ABLIM1: variants seen among roughly 807,000 people sequenced by gnomAD.
ABLIM1 encodes actin-binding LIM protein 1.
In ABLIM1, 40 loss-of-function variants were observed where a neutral mutation model predicts 107.0. The observed-to-expected ratio is 0.37, with a 90% CI of 0.29 to 0.49. The LOEUF is 0.49. Ranked by LOEUF, ABLIM1 falls within the 20% of genes least tolerant of loss-of-function variation. ABLIM1 has a pLI of 0.97. For missense variants in ABLIM1, 857 were observed against 1,008.5 expected (o/e 0.85, Z 2.04); for synonymous variants, 357 against 357.3 (o/e 1.00, Z 0.01).
chr10:114,603,009 A>G (rs958217477), intron 1 of ABLIM1, among the ~76,000 whole-genome samples: 1 of 152,108 alleles, frequency 6.6e-6, no homozygotes, highest in African/African-American at 2.4e-5. Flanking sequence ...TCCTTTTTTG[A>G]TGTGGGGCCT....
chr10:114,739,396 C>G (rs1265279813), intron 1 of ABLIM1, among the ~76,000 whole-genome samples: 2 of 152,124 alleles, frequency 1.3e-5, no homozygotes, highest in Non-Finnish European at 2.9e-5. Context: ...GAAGGCAGGA[C>G]AGGGTTGGGA....
chr10:114,692,182 T>C (rs1472856459), intron 1 of ABLIM1, among the ~76,000 whole-genome samples: 1 of 152,242 alleles, frequency 6.6e-6, no homozygotes, highest in Non-Finnish European at 1.5e-5. Context: ...CATTCTGTAT[T>C]ACCCTCTCTA....
intron 1 of ABLIM1, among the ~76,000 whole-genome samples, chr10:114,699,907 T>C (rs187875440): frequency 1.3e-5 from 2 of 152,296 alleles, no homozygotes; most frequent in East Asian, 3.9e-4. Context: ...TACCACAGTA[T>C]TGCAAGATGT....
chr10:114,794,711 T>C, the ABLIM1 span, among the ~76,000 whole-genome samples: 1 of 152,200 alleles, frequency 6.6e-6, no homozygotes, highest in Admixed American at 6.5e-5. Context: ...TAAAGCAAGC[T>C]TGACCCACAG....
chr10:114,598,619 A>G (rs887185632), intron 2 of ABLIM1, among the ~76,000 whole-genome samples: 5 of 151,868 alleles, frequency 3.3e-5, no homozygotes, highest in Non-Finnish European at 5.9e-5. Flanking sequence ...ACAAAAACAA[A>G]CAAAAAAAGA....
intron 6 of ABLIM1, among the ~76,000 whole-genome samples, chr10:114,524,023 A>G (rs1289697162): frequency 6.6e-6 from 1 of 152,220 alleles, no homozygotes; most frequent in African/African-American, 2.4e-5. Context: ...TTTGCAATCA[A>G]AAGCAGAAAC....
chr10:114,583,879 A>G (rs1439761029), intron 2 of ABLIM1, among the ~76,000 whole-genome samples: 1 of 152,084 alleles, frequency 6.6e-6, no homozygotes, highest in Non-Finnish European at 1.5e-5. Context: ...AGAAAACCAA[A>G]TACTGCATGT....
upstream of ABLIM1, among the ~76,000 whole-genome samples, chr10:114,663,124 C>T (rs1240877467): frequency 6.6e-6 from 1 of 152,216 alleles, no homozygotes; most frequent in Non-Finnish European, 1.5e-5. Flanking sequence ...CCTTCCCCTG[C>T]TTCTTTTGCT....
chr10:114,728,302 G>C (rs747477111), intron 1 of ABLIM1, among the ~76,000 whole-genome samples: 2 of 152,058 alleles, frequency 1.3e-5, no homozygotes, highest in African/African-American at 2.4e-5. Flanking sequence ...ACTCTGAAGA[G>C]GAAAATTTTA....
Position 114,432,861 on chromosome 10 carries a change from A to G in ABLIM1, c.*3399T>C, listed in dbSNP as rs2058999841. Reference sequence around the variant, plus strand: ...TTTGGAGAACAGGAAGTTTATGTGAAGTTATTGAACACGTCATATTAAGAA... The same window carrying G: ...TTTGGAGAACAGGAAGTTTATGTGAGGTTATTGAACACGTCATATTAAGAA... On this transcript the variant is annotated 3_prime_UTR_variant, in exon 23 of 23. Coordinates refer to ENST00000533213, the MANE Select transcript of ABLIM1 (RefSeq NM_002313.7). The G allele has an allele frequency of 6.6e-6, 1 of 152,220 alleles. No individual in the cohort carries two copies. The highest frequency in any genetic ancestry group is 1.5e-5 in the Non-Finnish European group (1 of 68,034). The allele number at this position is 152,220 out of a possible 1,614,324, so 9.4% of individuals were successfully genotyped here. A position where few individuals can be genotyped will look rare whatever the true frequency, so the allele number is the denominator to read the frequency against.
intron 22 of ABLIM1, among the ~76,000 whole-genome samples, chr10:114,436,646 T>C (rs192039175): frequency 6.0e-4 from 91 of 152,256 alleles, no homozygotes; most frequent in Middle Eastern, 3.4e-3. Flanking sequence ...AGGTGATTTA[T>C]TACATTGGAG....
At chr10:114,627,956 C>G (rs188200968) in intron 1 of ABLIM1, among the ~76,000 whole-genome samples, 7 of 152,218 alleles carry the variant, frequency 4.6e-5, no homozygotes, top group Admixed American at 3.9e-4. Context: ...AACCCCATCT[C>G]TAATAAAAAT....
chr10:114,710,229 G>C (rs959124649), intron 1 of ABLIM1, among the ~76,000 whole-genome samples: 1 of 152,020 alleles, frequency 6.6e-6, no homozygotes, highest in African/African-American at 2.4e-5. Context: ...TACCAGCCTC[G>C]GCAACATGGT....
chr10:114,666,524 C>T (rs1266223938), intron 1 of ABLIM1, among the ~76,000 whole-genome samples: 2 of 151,976 alleles, frequency 1.3e-5, no homozygotes, highest in South Asian at 4.1e-4. Context: ...AGTAAAAAAA[C>T]AAACAACAAC....
rs560721405 is a variant in ABLIM1 at position 114,698,572 on chromosome 10, G to A, written c.-213+69489C>T. On this transcript the variant is annotated intron_variant, in intron 1 of 15. Coordinates refer to the ABLIM1 transcript ENST00000651092. ...GTTTCAGAATGAAAGAACAAACTAA[G>A]TGCTGGACAGGATGAAGAAAAATGA... is the stretch of plus-strand genomic sequence containing the variant. 3.3e-5 allele frequency among the ~76,000 whole-genome samples: 5 copies of A among 152,198 alleles called. No individual in the cohort carries two copies. The South Asian group carries it at 1.0e-3, about 32-fold the overall frequency.
chr10:114,443,059 C>T (rs535273232), intron 17 of ABLIM1, among the ~76,000 whole-genome samples: 2 of 151,954 alleles, frequency 1.3e-5, no homozygotes, highest in African/African-American at 4.8e-5. Flanking sequence ...AGGATGGTCT[C>T]GATCTCCTGA....
At chr10:114,575,194 T>C (rs1447127423) in intron 3 of ABLIM1, among the ~76,000 whole-genome samples, 1 of 152,218 alleles carries the variant, frequency 6.6e-6, no homozygotes, top group Non-Finnish European at 1.5e-5. Context: ...TTAGTTTCAA[T>C]CTACTAAAAA....
At chr10:114,500,942 C>G (rs2060347081) in intron 6 of ABLIM1, among the ~76,000 whole-genome samples, 1 of 138,690 alleles carries the variant, frequency 7.2e-6, no homozygotes, top group Non-Finnish European at 1.5e-5. Context: ...ACACCTGTAT[C>G]TTCATAACTC....
In ABLIM1 at chr10:114,566,091, G is replaced by A. The variant is rs74748267; in HGVS notation, c.673+5206C>T. The stretch of plus-strand genomic sequence containing the variant: ...ATTAGAGGCGTGAGCCACCGCGCCC[G>A]GTCGAAATGATTTCAATTCAGTCAG... On this transcript the variant is annotated intron_variant, in intron 4 of 22. Coordinates refer to ENST00000533213, the MANE Select transcript of ABLIM1 (RefSeq NM_002313.7). Among the ~76,000 whole-genome samples, 1,208 of 152,270 alleles carry A rather than the reference G, an allele frequency of 7.9e-3. 18 individuals are homozygous for A. Among genetic ancestry groups the A allele is most frequent in the African/African-American group, 0.028 (1,150 of 41,544 alleles).
Sources: gnomAD v4.1 joint callset for allele counts (sites outside exome capture counted in the v4.1 genomes callset) on GRCh38, gnomAD v4.1.1 for gene constraint, MANE v1.5 for transcripts, NCBI Gene and HGNC (gene_info 2026-07-23, HGNC 2026-07-21) for gene names.